MEOX2: variants seen among roughly 807,000 people sequenced by gnomAD.
MEOX2 encodes mesenchyme homeobox 2.
A neutral mutation model predicts 27.0 loss-of-function variants in MEOX2; 11 were observed. The ratio of observed to expected loss-of-function variants is 0.41; its 90% CI spans 0.26 to 0.68. The LOEUF is 0.68. MEOX2 is among the 30% of genes least tolerant of loss of function. MEOX2 has a pLI of 0.33. For synonymous variants in MEOX2, 189 were observed against 155.4 expected, an observed-to-expected ratio of 1.22 and a Z score of -1.61; for missense variants, 436 against 385.4, an observed-to-expected ratio of 1.13 and a Z score of -1.10.
Position 15,686,600 on chromosome 7 carries a change from C to T in MEOX2, c.-198G>A, listed in dbSNP as rs1271148422. 6 of 595,980 alleles carry T rather than the reference C, an allele frequency of 1.0e-5. No homozygotes were observed. Among genetic ancestry groups the T allele is most frequent in the African/African-American group, 3.7e-5 (2 of 53,826 alleles). 36.9% of individuals were successfully genotyped at this position (595,980 alleles called of 1,614,324 possible). ...CTCCTTTACATATGAACAGTCGGAC[C>T]TGGAAGAGCTTCCCTGAGCTACTCA... On this transcript the variant is annotated 5_prime_UTR_variant, in exon 1 of 3. Coordinates refer to ENST00000262041, the MANE Select transcript of MEOX2 (RefSeq NM_005924.5).
At chr7:15,626,448 C>T (rs1355314668) in intron 2 of MEOX2, among the ~76,000 whole-genome samples, 2 of 151,966 alleles carry the variant, frequency 1.3e-5, no homozygotes, top group Non-Finnish European at 2.9e-5. Context: ...GCATGCACAA[C>T]TCCTCACTGT....
chr7:15,612,422 C>T lies in MEOX2; in HGVS notation c.880G>A (p.Asp294Asn), dbSNP rs1257373079. 3.1e-6 allele frequency: 5 copies of T among 1,614,070 alleles called. No homozygotes were observed. The South Asian group carries it at 5.5e-5, about 18-fold the overall frequency. The change falls in exon 3 of 3, where the codon GAC becomes AAC. Residue 294 changes from aspartate to asparagine, a missense_variant. Transcript: ENST00000262041. ...GDSIANEDSH[D>N]SDHSSEHAHL Reference sequence around the variant, plus strand: ...GCATGCTCTGAGCTGTGGTCACTGTCGTGACTGTCTTCATTTGCTATAGAG... The same window carrying T: ...GCATGCTCTGAGCTGTGGTCACTGTTGTGACTGTCTTCATTTGCTATAGAG...
At chr7:15,629,087 C>A (rs1781359855) in intron 1 of MEOX2, among the ~76,000 whole-genome samples, 1 of 152,050 alleles carries the variant, frequency 6.6e-6, no homozygotes, top group Non-Finnish European at 1.5e-5. Flanking sequence ...ATGAGCAGTT[C>A]AATTTGAATG....
At chr7:15,660,000 T>C (rs1781886101) in intron 1 of MEOX2, among the ~76,000 whole-genome samples, 1 of 152,154 alleles carries the variant, frequency 6.6e-6, no homozygotes, top group African/African-American at 2.4e-5. Flanking sequence ...GCAAAGTGAC[T>C]TATTCAAAAA....
chr7:15,627,292 G>A (rs1400792830), intron 1 of MEOX2, among the ~76,000 whole-genome samples: 1 of 151,996 alleles, frequency 6.6e-6, no homozygotes, highest in Non-Finnish European at 1.5e-5. Flanking sequence ...AAGTAAGATT[G>A]AACATAGTAA....
intron 1 of MEOX2, among the ~76,000 whole-genome samples, chr7:15,674,109 A>C (rs1444056917): frequency 6.6e-6 from 1 of 152,194 alleles, no homozygotes. Context: ...GTAATATCTA[A>C]TAACATATTA....
chr7:15,669,284 A>C (rs557223203), intron 1 of MEOX2, among the ~76,000 whole-genome samples: 1 of 152,252 alleles, frequency 6.6e-6, no homozygotes, highest in East Asian at 1.9e-4. Flanking sequence ...CTTGTGAATA[A>C]TGAGAGTTGC....
At chr7:15,681,287 T>G (rs1265660453) in intron 1 of MEOX2, 3 of 151,796 alleles carry the variant, frequency 2.0e-5, no homozygotes, top group African/African-American at 7.2e-5. Context: ...TTTTCTCATT[T>G]GAAATTAAAA....
rs113582077 is a variant in MEOX2 at position 15,686,172 on chromosome 7, ATGGTGGTGG to A, written c.222_230del (p.His78_His80del). On this transcript the variant is annotated inframe_deletion, in exon 1 of 3. Coordinates refer to ENST00000262041, the MANE Select transcript of MEOX2 (RefSeq NM_005924.5). ...GGTGCTGCTGCTGCTGATGGTGGTG[ATGGTGGTGG>A]TGGTGGTGGTGGTGGTGGTGCCCCC... is the stretch of plus-strand genomic sequence containing the variant. 36 of 1,532,246 alleles carry A rather than the reference ATGGTGGTGG, an allele frequency of 2.3e-5. No individual in the cohort carries two copies. Among genetic ancestry groups the A allele is most frequent in the Middle Eastern group, 1.7e-4 (1 of 5,802 alleles). The allele number at this position is 1,532,246 out of a possible 1,614,324, so 94.9% of individuals were successfully genotyped here.
At chr7:15,651,731 A>T (rs1462872776) in intron 1 of MEOX2, among the ~76,000 whole-genome samples, 3 of 152,020 alleles carry the variant, frequency 2.0e-5, no homozygotes, top group Non-Finnish European at 2.9e-5. Flanking sequence ...TCTATTTTGA[A>T]TTCATAGTAA....
intron 1 of MEOX2, among the ~76,000 whole-genome samples, chr7:15,651,554 A>G (rs1781732599): frequency 6.6e-6 from 1 of 151,984 alleles, no homozygotes; most frequent in African/African-American, 2.4e-5. Flanking sequence ...AAGCACCTAC[A>G]TTTATTTACA....
intron 1 of MEOX2, among the ~76,000 whole-genome samples, chr7:15,639,976 G>T (rs1479748200): frequency 6.6e-6 from 1 of 151,776 alleles, no homozygotes; most frequent in Non-Finnish European, 1.5e-5. Flanking sequence ...TCTCTTTTTT[G>T]GTTCCATGTG....
chr7:15,616,517 A>G (rs1378312012), intron 2 of MEOX2, among the ~76,000 whole-genome samples: 1 of 151,944 alleles, frequency 6.6e-6, no homozygotes, highest in African/African-American at 2.4e-5. Context: ...ACAGTAGTCA[A>G]TTTATAAATA....
Position 15,612,499 on chromosome 7 carries a change from A to T in MEOX2, c.803T>A (p.Leu268His). 1 of 1,614,138 alleles carries T rather than the reference A, an allele frequency of 6.2e-7. No individual in the cohort carries two copies. The highest frequency in any genetic ancestry group is 8.5e-7 in the Non-Finnish European group (1 of 1,180,020). The change falls in exon 3 of 3, where the codon CTC becomes CAC. Residue 268 changes from leucine to histidine, a missense_variant. Leu to His is a moderately conservative substitution (Grantham distance 99). Coordinates refer to ENST00000262041, the MANE Select transcript of MEOX2 (RefSeq NM_005924.5). ...ACCAATTCCCGACAGCTCTGATGGG[A>T]GAAGTGTTCCCTTTTTCACATTCAC... ...ELVNVKKGTLLPSELSGIGAA... is the reference protein window; with the variant it reads ...ELVNVKKGTLHPSELSGIGAA...
intron 1 of MEOX2, among the ~76,000 whole-genome samples, chr7:15,640,254 TTGTGTGTG>T (rs34600761): frequency 1.4e-5 from 2 of 145,912 alleles, no homozygotes; most frequent in South Asian, 2.2e-4. Flanking sequence ...GTGTGTGTGT[TTGTGTGTG>T]TGTGTGTGTG....
intron 1 of MEOX2, among the ~76,000 whole-genome samples, chr7:15,639,656 G>A (rs1781531106): frequency 1.3e-5 from 2 of 152,028 alleles, no homozygotes; most frequent in Admixed American, 6.6e-5. Flanking sequence ...TGAGAGATAA[G>A]GTTCCAGTTT....
rs116650876 is a variant in MEOX2 at position 15,674,242 on chromosome 7, A to G, written c.517+11644T>C. On this transcript the variant is annotated intron_variant, in intron 1 of 2. Transcript: ENST00000262041. Reference sequence around the variant, plus strand: ...TCCACAAACAGAAATGATACGGTCAAAATAATACTACATGTTGTATTATTC... The same window carrying G: ...TCCACAAACAGAAATGATACGGTCAGAATAATACTACATGTTGTATTATTC... Among the ~76,000 whole-genome samples the G allele has an allele frequency of 7.3e-3, 1,115 of 152,284 alleles. 10 individuals are homozygous for G. The highest frequency in any genetic ancestry group is 0.025 in the African/African-American group (1,058 of 41,564).
intron 1 of MEOX2, among the ~76,000 whole-genome samples, chr7:15,667,294 A>AAAAAAAAAAAAAAAAAAAAAC: frequency 7.5e-6 from 1 of 132,484 alleles, no homozygotes; most frequent in Admixed American, 7.4e-5. Flanking sequence ...TGTCTCAAAA[A>AAAAAAAAAAAAAAAAAAAAAC]AAAAAAAAAA....
rs192925265 is a variant in MEOX2, at chr7:15,614,167, C to T, written c.691-1556G>A. ...CTAAGAGTTTTAAAGGTTGCCTTTT[C>T]CAACACAGTGGGACCCTGTCTCTAC... On this transcript the variant is annotated intron_variant, in intron 2 of 2. Transcript: ENST00000262041. Among the ~76,000 whole-genome samples, 533 of 150,522 alleles carry T rather than the reference C, an allele frequency of 3.5e-3. 4 individuals carry two copies. Among genetic ancestry groups the T allele is most frequent in the African/African-American group, 0.012 (512 of 41,064 alleles).
Sources: allele counts gnomAD v4.1 joint callset (sites outside exome capture counted in the v4.1 genomes callset), GRCh38; gene constraint gnomAD v4.1.1; transcripts MANE v1.5; gene names NCBI Gene and HGNC (gene_info 2026-07-23, HGNC 2026-07-21).